Variants in NFYC observed in about 807,000 individuals in gnomAD.
NFYC encodes CAAT box DNA-binding protein subunit C.
NFYC carries 25 observed loss-of-function variants against 53.1 expected under a neutral mutation model. The observed-to-expected ratio is 0.47, with a 90% CI of 0.34 to 0.66. The LOEUF is 0.66. Among genes scored for constraint, NFYC ranks in the 30% least tolerant of loss-of-function variants. NFYC has a pLI of 0.01. For synonymous variants in NFYC, 145 were observed against 152.6 expected, an observed-to-expected ratio of 0.95 and a Z score of 0.37; for missense variants, 260 against 422.7, an observed-to-expected ratio of 0.62 and a Z score of 3.38.
intron 1 of NFYC, among the ~76,000 whole-genome samples, chr1:40,707,989 A>G (rs895042862): frequency 6.6e-6 from 1 of 152,192 alleles, no homozygotes; most frequent in African/African-American, 2.4e-5. Flanking sequence ...CTCTGCATCT[A>G]AGGATTTAAC....
chr1:40,727,331 C>T (rs1002870158), intron 1 of NFYC, among the ~76,000 whole-genome samples: 25 of 152,046 alleles, frequency 1.6e-4, no homozygotes, highest in African/African-American at 5.6e-4. Context: ...TCAAGTGATC[C>T]TCCCACCTCA....
At chr1:40,698,090 C>T (rs1229631920) in intron 1 of NFYC, among the ~76,000 whole-genome samples, 2 of 152,186 alleles carry the variant, frequency 1.3e-5, no homozygotes, top group African/African-American at 2.4e-5. Flanking sequence ...TGGTCAGGCA[C>T]AGTGGCTCAC....
chr1:40,756,286 G>A (rs1205852243), intron 5 of NFYC, among the ~76,000 whole-genome samples: 2 of 152,140 alleles, frequency 1.3e-5, no homozygotes, highest in African/African-American at 4.8e-5. Flanking sequence ...TGATAAGTTG[G>A]GGTTGAAATT....
intron 2 of NFYC, among the ~76,000 whole-genome samples, chr1:40,743,777 A>G (rs1484887703): frequency 1.3e-5 from 2 of 152,196 alleles, no homozygotes; most frequent in Admixed American, 6.5e-5. Flanking sequence ...TATTGTCTGT[A>G]TGAACCACGT....
At chr1:40,763,712 TC>T (rs1303773291) in intron 7 of NFYC, among the ~76,000 whole-genome samples, 1 of 152,190 alleles carries the variant, frequency 6.6e-6, no homozygotes, top group Non-Finnish European at 1.5e-5. Context: ...TGCCCAGTGT[TC>T]CTGACCACAA....
chr1:40,712,658 C>CTTTTTTTTTTTT (rs3081775), intron 1 of NFYC: 3 of 71,024 alleles, frequency 4.2e-5, no homozygotes, highest in African/African-American at 5.8e-5. Flanking sequence ...GGATTAATGC[C>CTTTTTTTTTTTT]TTTTTTTTTT....
rs1056410889 is a variant in NFYC at position 40,733,739 on chromosome 1, A to T, written c.-8-5097A>T. ...TGTGTGCCACAATGCCTATTTAAAAATTTTTTTTTTATTCTTCTTTTTGAG... is the reference window on the plus strand; with the variant it reads ...TGTGTGCCACAATGCCTATTTAAAATTTTTTTTTTTATTCTTCTTTTTGAG... On this transcript the variant is annotated intron_variant, in intron 1 of 9. Transcript: ENST00000447388. 5.5e-5 allele frequency among the ~76,000 whole-genome samples: 8 copies of T among 144,214 alleles called. No homozygotes were observed. In the South Asian group the frequency reaches 6.7e-4, roughly 12 times the overall value. The allele number at this position is 144,214 out of a possible 152,430, so 94.6% of individuals were successfully genotyped here.
chr1:40,704,465 A>G lies in NFYC; in HGVS notation c.-9+12598A>G, dbSNP rs542081597. ...AGGGAAGAATGTTAGCTGAAATCCTAGAGATTCTGTTAGGTTCTCAGTCCA... is the reference window on the plus strand; with the variant it reads ...AGGGAAGAATGTTAGCTGAAATCCTGGAGATTCTGTTAGGTTCTCAGTCCA... On this transcript the variant is annotated intron_variant, in intron 1 of 9. Transcript: ENST00000447388. Among the ~76,000 whole-genome samples, 33 of 152,310 alleles carry G rather than the reference A, an allele frequency of 2.2e-4. 1 individual carries two copies. Among genetic ancestry groups the G allele is most frequent in the Middle Eastern group, 3.4e-3 (1 of 294 alleles).
intron 1 of NFYC, among the ~76,000 whole-genome samples, chr1:40,705,336 T>C (rs887784311): frequency 2.9e-5 from 4 of 139,666 alleles, no homozygotes; most frequent in African/African-American, 1.0e-4. Context: ...GTCAGCTGAC[T>C]GGCCCTCAGG....
rs116273796 is a variant in NFYC, at chr1:40,708,273, G to T, written c.-9+16406G>T. Among the ~76,000 whole-genome samples the T allele has an allele frequency of 1.8e-3, 280 of 152,302 alleles. 1 individual carries two copies. The highest frequency in any genetic ancestry group is 6.6e-3 in the African/African-American group (274 of 41,572). ...AGGCTGTTGTGCCCTGATTGTGCCTGCATAGCTACTGCATTGCAGCCTAGC... is the reference window on the plus strand; with the variant it reads ...AGGCTGTTGTGCCCTGATTGTGCCTTCATAGCTACTGCATTGCAGCCTAGC... On this transcript the variant is annotated intron_variant, in intron 1 of 9. Transcript: ENST00000447388.
intron 1 of NFYC, among the ~76,000 whole-genome samples, chr1:40,732,406 C>G (rs973478687): frequency 2.0e-5 from 3 of 152,170 alleles, no homozygotes; most frequent in Non-Finnish European, 4.4e-5. Flanking sequence ...AGGCATGGTA[C>G]CTGGTTGAGA....
In NFYC at chr1:40,770,850, A is replaced by G. The variant is rs1368469715; in HGVS notation, c.*22A>G. 1.2e-6 allele frequency: 2 copies of G among 1,603,230 alleles called. No individual in the cohort carries two copies. The highest frequency in any genetic ancestry group is 1.7e-6 in the Non-Finnish European group (2 of 1,179,242). On this transcript the variant is annotated 3_prime_UTR_variant, in exon 10 of 10. Coordinates refer to ENST00000447388, the MANE Select transcript of NFYC (RefSeq NM_014223.5). The surrounding 1 kb of genome is among the most constrained non-coding windows in gnomAD (Gnocchi z 5.3). ...CTGAGGGCCTGAGCTGGCAAGGCCA[A>G]GGACACCCAACACAATTTTTGCCAT...
chr1:40,717,990 A>G (rs1403730465), intron 1 of NFYC, among the ~76,000 whole-genome samples: 1 of 152,208 alleles, frequency 6.6e-6, no homozygotes, highest in Non-Finnish European at 1.5e-5. Context: ...TCTAGGCTAT[A>G]TATGTTGTAA....
intron 1 of NFYC, among the ~76,000 whole-genome samples, chr1:40,721,404 C>T (rs1644321946): frequency 6.6e-6 from 1 of 152,142 alleles, no homozygotes; most frequent in South Asian, 2.1e-4. Context: ...GAATCTTTTG[C>T]TTGGATGGTG....
intron 1 of NFYC, among the ~76,000 whole-genome samples, chr1:40,692,981 C>T (rs1426346309): frequency 1.3e-5 from 2 of 152,088 alleles, no homozygotes; most frequent in Non-Finnish European, 2.9e-5. Flanking sequence ...TTTCCAAAGC[C>T]ACATTAGCAA....
intron 8 of NFYC, chr1:40,767,284 C>G (rs967419318): frequency 1.1e-5 from 4 of 358,734 alleles, no homozygotes; most frequent in Non-Finnish European, 2.1e-5. Context: ...CAAGGGGAGG[C>G]ATTGTTAATG....
chr1:40,719,221 A>C (rs1287751429), intron 1 of NFYC, among the ~76,000 whole-genome samples: 1 of 152,186 alleles, frequency 6.6e-6, no homozygotes, highest in Non-Finnish European at 1.5e-5. Flanking sequence ...ATGATTTATA[A>C]TCCTTGCTTA....
chr1:40,739,857 A>G (rs765031631), intron 2 of NFYC, among the ~76,000 whole-genome samples: 6 of 152,178 alleles, frequency 3.9e-5, no homozygotes, highest in Non-Finnish European at 8.8e-5. Flanking sequence ...CATTCACCAG[A>G]TGTGAAGGAT....
At chr1:40,745,399 A>G (rs192942379) in intron 2 of NFYC, among the ~76,000 whole-genome samples, 1 of 152,158 alleles carries the variant, frequency 6.6e-6, no homozygotes, top group Non-Finnish European at 1.5e-5. Flanking sequence ...TGGCATTTCT[A>G]TGTAGTGTCA....
Sources: allele counts gnomAD v4.1 joint callset (sites outside exome capture counted in the v4.1 genomes callset), GRCh38; gene constraint gnomAD v4.1.1; non-coding constraint Gnocchi (gnomAD v3.1); transcripts MANE v1.5; gene names NCBI Gene and HGNC (gene_info 2026-07-23, HGNC 2026-07-21).